Variants in MDFIC2 observed in about 807,000 individuals in gnomAD.
The protein encoded by MDFIC2 is myoD family inhibitor domain-containing protein 2.
intron 2 of MDFIC2, among the ~76,000 whole-genome samples, chr3:70,256,059 T>A (rs548973306): frequency 2.2e-4 from 33 of 152,308 alleles, no homozygotes; most frequent in African/African-American, 6.7e-4. Flanking sequence ...TTGATACACA[T>A]AGTAACAATA....
chr3:70,204,232 T>C (rs905101517), intron 3 of MDFIC2, among the ~76,000 whole-genome samples: 1 of 152,194 alleles, frequency 6.6e-6, no homozygotes, highest in African/African-American at 2.4e-5. Flanking sequence ...GGATGCAGTA[T>C]TCTCTTTTCC....
chr3:70,219,597 G>A (rs1322884230), intron 2 of MDFIC2, among the ~76,000 whole-genome samples: 1 of 152,132 alleles, frequency 6.6e-6, no homozygotes, highest in Non-Finnish European at 1.5e-5. Flanking sequence ...AAATTGGGAT[G>A]AAAAACCAAC....
intron 2 of MDFIC2, among the ~76,000 whole-genome samples, chr3:70,212,363 A>T (rs777544034): frequency 2.0e-5 from 3 of 152,098 alleles, no homozygotes; most frequent in Non-Finnish European, 4.4e-5. Flanking sequence ...CTTCTCCCCA[A>T]ACTGGAATAA....
intron 2 of MDFIC2, among the ~76,000 whole-genome samples, chr3:70,213,233 G>A (rs1701367833): frequency 6.6e-6 from 1 of 152,058 alleles, no homozygotes; most frequent in African/African-American, 2.4e-5. Context: ...TCAGCCTCCT[G>A]AGTAGATCTT....
At chr3:70,308,023 G>T (rs913745975) in intron 2 of MDFIC2, among the ~76,000 whole-genome samples, 2 of 152,060 alleles carry the variant, frequency 1.3e-5, no homozygotes, top group Non-Finnish European at 2.9e-5. Context: ...CCCACAGTTT[G>T]CATAATGCAG....
chr3:70,275,781 A>G (rs1490087630), intron 2 of MDFIC2, among the ~76,000 whole-genome samples: 4 of 152,196 alleles, frequency 2.6e-5, no homozygotes, highest in Non-Finnish European at 4.4e-5. Context: ...ATAGCATATA[A>G]TAAGTGCTAT....
At chr3:70,287,195 T>C in intron 2 of MDFIC2, among the ~76,000 whole-genome samples, 1 of 138,228 alleles carries the variant, frequency 7.2e-6, no homozygotes, top group Admixed American at 7.2e-5. Context: ...GCTGTGGGTT[T>C]GTCATAGATA....
At chr3:70,254,924 T>C (rs1701801084) in intron 2 of MDFIC2, among the ~76,000 whole-genome samples, 1 of 152,216 alleles carries the variant, frequency 6.6e-6, no homozygotes, top group Non-Finnish European at 1.5e-5. Flanking sequence ...AACATTCCTC[T>C]GTAATGGTTT....
At chr3:70,310,661 C>T (rs1702446132) in intron 2 of MDFIC2, among the ~76,000 whole-genome samples, 2 of 151,972 alleles carry the variant, frequency 1.3e-5, no homozygotes, top group African/African-American at 2.4e-5. Context: ...CCACTGCACC[C>T]GGCCATAGGT....
At chr3:70,262,970 C>T (rs919652608) in intron 2 of MDFIC2, among the ~76,000 whole-genome samples, 1 of 152,078 alleles carries the variant, frequency 6.6e-6, no homozygotes, top group African/African-American at 2.4e-5. Flanking sequence ...ATTGTCTAAC[C>T]TGCTGTTAAT....
chr3:70,295,381 TTGAC>T (rs1702279734), intron 2 of MDFIC2, among the ~76,000 whole-genome samples: 1 of 152,250 alleles, frequency 6.6e-6, no homozygotes, highest in African/African-American at 2.4e-5. Context: ...ACTCAACCCT[TTGAC>T]TGAATTATTC....
intron 2 of MDFIC2, among the ~76,000 whole-genome samples, chr3:70,260,525 G>A (rs1701856108): frequency 6.6e-6 from 1 of 151,920 alleles, no homozygotes; most frequent in Non-Finnish European, 1.5e-5. Context: ...GTTAAGTCAA[G>A]GGCTAGGAGT....
chr3:70,285,503 T>C (rs1702151692), intron 2 of MDFIC2, among the ~76,000 whole-genome samples: 1 of 152,068 alleles, frequency 6.6e-6, no homozygotes, highest in East Asian at 1.9e-4. Context: ...TTGTGAATAA[T>C]GCCGCAATAA....
chr3:70,221,837 G>T (rs1457704694), intron 2 of MDFIC2, among the ~76,000 whole-genome samples: 2 of 152,064 alleles, frequency 1.3e-5, no homozygotes, highest in Non-Finnish European at 2.9e-5. Context: ...TTTTTGGCTG[G>T]GGCAAAAGTA....
chr3:70,280,731 C>T (rs555123144), intron 2 of MDFIC2, among the ~76,000 whole-genome samples: 1 of 152,266 alleles, frequency 6.6e-6, no homozygotes, highest in African/African-American at 2.4e-5. Flanking sequence ...AAAAACATTA[C>T]TCTTAGTTTC....
chr3:70,230,673 TAATC>T (rs1701550550), intron 2 of MDFIC2, among the ~76,000 whole-genome samples: 1 of 152,208 alleles, frequency 6.6e-6, no homozygotes, highest in South Asian at 2.1e-4. Flanking sequence ...GGTAATTTGA[TAATC>T]AATTCTAGGT....
intron 2 of MDFIC2, among the ~76,000 whole-genome samples, chr3:70,247,048 T>A (rs1701714232): frequency 6.6e-6 from 1 of 151,388 alleles, no homozygotes; most frequent in African/African-American, 2.4e-5. Flanking sequence ...AGGATAGTTA[T>A]TTTTTTTTCT....
At chr3:70,280,532 T>A (rs186923770) in intron 2 of MDFIC2, among the ~76,000 whole-genome samples, 9 of 152,294 alleles carry the variant, frequency 5.9e-5, no homozygotes, top group Admixed American at 5.9e-4. Context: ...GCATTATCTC[T>A]ACTTTTGCCT....
intron 2 of MDFIC2, among the ~76,000 whole-genome samples, chr3:70,297,228 T>C (rs1702299874): frequency 6.6e-6 from 1 of 152,132 alleles, no homozygotes; most frequent in African/African-American, 2.4e-5. Flanking sequence ...CTCTTGGTAA[T>C]TAGTTATTGT....
Sources: allele counts gnomAD v4.1 joint callset (sites outside exome capture counted in the v4.1 genomes callset), GRCh38; gene constraint gnomAD v4.1.1; transcripts MANE v1.5; gene names NCBI Gene and HGNC (gene_info 2026-07-23, HGNC 2026-07-21).